PGAP3: variants seen among roughly 807,000 people sequenced by gnomAD.
PGAP3 encodes the protein GPI-specific phospholipase A2-like PGAP3.
In PGAP3, 31 loss-of-function variants were observed where a neutral mutation model predicts 40.3. That is an observed-to-expected ratio of 0.77 (90% confidence interval 0.58 to 1.04). The LOEUF is 1.04. PGAP3 is among the 50% of genes least tolerant of loss of function. The pLI, the probability that PGAP3 is intolerant of heterozygous loss-of-function variation, is 0.00. For synonymous variants in PGAP3, 191 were observed against 184.5 expected, an observed-to-expected ratio of 1.04 and a Z score of -0.29; for missense variants, 413 against 423.0, an observed-to-expected ratio of 0.98 and a Z score of 0.21.
At chr17:39,678,597 C>T (rs889617059) in intron 3 of PGAP3, among the ~76,000 whole-genome samples, 1 of 152,196 alleles carries the variant, frequency 6.6e-6, no homozygotes, top group African/African-American at 2.4e-5. Context: ...GTACCCTTCC[C>T]CCAAGACTTA....
rs142596676 is a variant in PGAP3, at chr17:39,673,525, T to C, written c.683A>G (p.Asn228Ser). 1,160 of 1,614,056 alleles carry C rather than the reference T, an allele frequency of 7.2e-4. 8 individuals are homozygous for C. The East Asian group carries it at 0.019, about 26-fold the overall frequency. ...RFDYGYNLVA[N>S]VAIGLVNVVW... is the part of the protein sequence containing the mutation. The stretch of plus-strand genomic sequence containing the variant: ...CCCCAGGGCCTCACCAATAGCCACG[T>C]TGGCCACCAGGTTGTAGCCATAGTC... Residue 228 changes from asparagine to serine, a missense_variant, in exon 6 of 8, where the codon AAC (asparagine) becomes AGC (serine). Asn to Ser is a conservative substitution (Grantham distance 46). Coordinates refer to ENST00000300658, the MANE Select transcript of PGAP3 (RefSeq NM_033419.5).
In PGAP3 at chr17:39,684,602, C is replaced by T. The variant is rs767604038; in HGVS notation, c.427G>A (p.Ala143Thr). ...AGTCCTGCTAGGTTACCTACCCAGG[C>T]GAAGGCCACACAGGTGTGGTACATG... ...SPMYHTCVAFAWVSLNAWFWS... is the reference protein window; with the variant it reads ...SPMYHTCVAFTWVSLNAWFWS... The change falls in exon 3 of 8, where the codon GCC becomes ACC. Residue 143 changes from alanine to threonine, a missense_variant. Ala to Thr is a moderately conservative substitution (Grantham distance 58). Transcript: ENST00000300658. 1.2e-5 allele frequency: 19 copies of T among 1,609,660 alleles called. No homozygotes were observed. Among genetic ancestry groups the T allele is most frequent in the East Asian group, 4.5e-5 (2 of 44,640 alleles).
intron 6 of PGAP3, 60 bp from the exon 7 acceptor site, chr17:39,673,315 C>G: frequency 6.4e-7 from 1 of 1,559,592 alleles, no homozygotes; most frequent in South Asian, 1.2e-5. Flanking sequence ...CCAAGGCCAC[C>G]CCCAACTCCA....
Position 39,686,511 on chromosome 17 carries a change from C to T in PGAP3, c.182-492G>A, listed in dbSNP as rs182525068. Among the ~76,000 whole-genome samples the T allele has an allele frequency of 6.0e-5, 9 of 151,130 alleles. No individual in the cohort carries two copies. In the East Asian group the frequency reaches 1.4e-3, roughly 23 times the overall value. ...CCTCAGGTTATCTGCCTGCCTCTGC[C>T]ACCTAAAGTGCGGGGATTGCAGGCA... On this transcript the variant is annotated intron_variant, in intron 1 of 7. Coordinates refer to ENST00000300658, the MANE Select transcript of PGAP3 (RefSeq NM_033419.5).
intron 3 of PGAP3, among the ~76,000 whole-genome samples, chr17:39,681,798 G>T (rs562725161): frequency 6.7e-6 from 1 of 150,282 alleles, no homozygotes; most frequent in Non-Finnish European, 1.5e-5. Flanking sequence ...CTGAGCCACC[G>T]CACTTGATCT....
intron 3 of PGAP3, among the ~76,000 whole-genome samples, chr17:39,682,017 G>A (rs868297602): frequency 5.3e-5 from 8 of 151,196 alleles, no homozygotes; most frequent in Admixed American, 2.0e-4. Context: ...TCAGGAGATC[G>A]AGACTATCCT....
rs569841218 is a variant in PGAP3, at chr17:39,673,646, C to T, written c.562G>A (p.Val188Met). 1.5e-5 allele frequency: 25 copies of T among 1,613,894 alleles called. No individual in the cohort carries two copies. Among genetic ancestry groups the T allele is most frequent in the South Asian group, 6.6e-5 (6 of 91,072 alleles). ...ACCACAGCTGGGTGCTGCAGCCCCA[C>T]GGTCCTGCCCCACCGTCCAGGGTTG... Reference protein sequence around the residue: ...HSIYLCCVRTVGLQHPAVVSA... With the variant: ...HSIYLCCVRTMGLQHPAVVSA... Residue 188 changes from valine to methionine, a missense_variant, in exon 6 of 8, where the codon GTG (valine) becomes ATG (methionine). By Grantham distance (21) the Val-to-Met change is conservative (BLOSUM62 1). Transcript: ENST00000300658.
At position 39,671,223 on chromosome 17, in the gene PGAP3, G is replaced by C. The variant is rs1333382905; in HGVS notation, c.*1580C>G. The C allele has an allele frequency of 6.6e-6, 1 of 152,388 alleles. No individual in the cohort carries two copies. Among genetic ancestry groups the C allele is most frequent in the Non-Finnish European group, 1.5e-5 (1 of 68,052 alleles). 9.4% of individuals were successfully genotyped at this position (152,388 alleles called of 1,614,324 possible). On this transcript the variant is annotated 3_prime_UTR_variant, in exon 8 of 8. Coordinates refer to ENST00000300658, the MANE Select transcript of PGAP3 (RefSeq NM_033419.5). ...TAGCGCAGGCCACCCGAGTCCCTGA[G>C]GTTGGAGTCCTAGCATAGCTCCCCT...
chr17:39,673,993 C>G lies in PGAP3; in HGVS notation c.557G>C (p.Arg186Thr), dbSNP rs2145100763. The change falls in exon 5 of 8, where the codon AGG (arginine) becomes ACG (threonine). Residue 186 changes from arginine to threonine, a missense_variant and splice_region_variant. Transcript: ENST00000300658. ...ILHSIYLCCV[R>T]TVGLQHPAVV... is the part of the protein sequence containing the mutation. The stretch of plus-strand genomic sequence containing the variant: ...CCTGCAGCCACCCAGGCAGGCTCAC[C>G]TGACGCAGCACAGGTAGATTGAGTG... The G allele has an allele frequency of 1.2e-6, 2 of 1,614,074 alleles. No homozygotes were observed. Among genetic ancestry groups the G allele is most frequent in the African/African-American group, 2.7e-5 (2 of 75,038 alleles).
In PGAP3 at chr17:39,672,566, G is replaced by A. The variant is rs910881607; in HGVS notation, c.*237C>T. ...CAGTTCCACCCCAGTTCAGCTCCAG[G>A]AGGTAGAGGGGCTGCCCACTCTCGA... On this transcript the variant is annotated 3_prime_UTR_variant, in exon 8 of 8. Transcript: ENST00000300658. 2 of 585,746 alleles carry A rather than the reference G, an allele frequency of 3.4e-6. No homozygotes were observed. The highest frequency in any genetic ancestry group is 3.7e-5 in the African/African-American group (2 of 53,496). 36.3% of individuals were successfully genotyped at this position (585,746 alleles called of 1,614,324 possible).
intron 5 of PGAP3, 113 bp downstream of exon 5, chr17:39,673,880 G>A (rs552113820): frequency 4.1e-5 from 54 of 1,331,560 alleles, no homozygotes; most frequent in Non-Finnish European, 5.5e-5. Flanking sequence ...GTTGGGGGTT[G>A]GGGGGCGTAG....
At position 39,673,188 on chromosome 17, in the gene PGAP3, G is replaced by T. The variant is rs1484594498; in HGVS notation, c.762C>A (p.Arg254=). The T allele has an allele frequency of 1.9e-6, 3 of 1,575,464 alleles. No individual in the cohort carries two copies. The highest frequency in any genetic ancestry group is 1.7e-6 in the Non-Finnish European group (2 of 1,161,350). Residue 254 remains arginine (R), a synonymous_variant, in exon 7 of 8, where the codon CGC becomes CGA. Transcript: ENST00000300658. ...LWNQRRLPHV[R]KCVVVVLLLQ... is the part of the protein sequence containing the mutation. Reference sequence around the variant, plus strand: ...GCAGCAAGACCACCACCACGCACTTGCGCACGTGAGGCAGCCGCCGCTGGT... The same window carrying T: ...GCAGCAAGACCACCACCACGCACTTTCGCACGTGAGGCAGCCGCCGCTGGT...
chr17:39,684,801 G>A, intron 2 of PGAP3, 52 bp from the exon 3 acceptor site: 1 of 1,501,432 alleles, frequency 6.7e-7, no homozygotes, highest in South Asian at 1.3e-5. Flanking sequence ...CCCTCAACTG[G>A]CCCAGTCCAC....
chr17:39,677,162 T>C (rs1001783435), intron 3 of PGAP3, among the ~76,000 whole-genome samples: 2 of 152,204 alleles, frequency 1.3e-5, no homozygotes. Context: ...TGATGCTCAC[T>C]GCACAGGAGG....
In PGAP3 at chr17:39,687,814, AC is replaced by A; in HGVS notation, c.181+19del. 2 of 1,372,394 alleles carry A rather than the reference AC, an allele frequency of 1.5e-6. No homozygotes were observed. The highest frequency in any genetic ancestry group is 1.9e-6 in the Non-Finnish European group (2 of 1,046,336). 85.0% of individuals were successfully genotyped at this position (1,372,394 alleles called of 1,614,324 possible). On this transcript the variant is annotated intron_variant, in intron 1 of 7. Coordinates refer to ENST00000300658, the MANE Select transcript of PGAP3 (RefSeq NM_033419.5). ...GGAGCAAGACAAATGGGCGGGGCTTACCGTGGGGGTGGGGCTTACCTGCTAG... is the reference window on the plus strand; with the variant it reads ...GGAGCAAGACAAATGGGCGGGGCTTACGTGGGGGTGGGGCTTACCTGCTAG...
intron 2 of PGAP3, 84 bp downstream of exon 2, chr17:39,685,838 C>T (rs2145146735): frequency 7.8e-7 from 1 of 1,279,498 alleles, no homozygotes; most frequent in Non-Finnish European, 1.1e-6. Flanking sequence ...ATGCCTCAGA[C>T]TGCTTGGACA....
At chr17:39,680,518 G>A (rs576075709) in intron 3 of PGAP3, among the ~76,000 whole-genome samples, 15 of 152,190 alleles carry the variant, frequency 9.9e-5, no homozygotes, top group Admixed American at 3.3e-4. Context: ...TCTAAGGCTC[G>A]GCCTGGACTT....
chr17:39,678,874 C>A (rs2057406188), intron 3 of PGAP3, among the ~76,000 whole-genome samples: 1 of 152,176 alleles, frequency 6.6e-6, no homozygotes, highest in Non-Finnish European at 1.5e-5. Flanking sequence ...TGTCCCAGAA[C>A]CCCACATCCC....
At chr17:39,684,943 C>G (rs763030388) in intron 2 of PGAP3, 194 bp from the exon 3 acceptor site, 8 of 636,250 alleles carry the variant, frequency 1.3e-5, no homozygotes, top group Non-Finnish European at 1.8e-5. Context: ...GTTATACCCC[C>G]ATCCTGGCCA....
Sources: gnomAD v4.1 joint callset for allele counts (sites outside exome capture counted in the v4.1 genomes callset) on GRCh38, gnomAD v4.1.1 for gene constraint, MANE v1.5 for transcripts, NCBI Gene and HGNC (gene_info 2026-07-23, HGNC 2026-07-21) for gene names.